The following HTR7 variants were observed in gnomAD, a reference collection of about 807,000 sequenced individuals.
HTR7 encodes 5-HT-7.
A neutral mutation model predicts 34.0 loss-of-function variants in HTR7; 16 were observed. The ratio of observed to expected loss-of-function variants is 0.47; its 90% CI spans 0.32 to 0.71. HTR7 has a LOEUF of 0.71. Among genes scored for constraint, HTR7 ranks in the 30% least tolerant of loss-of-function variants. HTR7 has a pLI of 0.04. For synonymous variants in HTR7, 265 were observed against 260.2 expected (o/e 1.02, Z -0.18); for missense variants, 504 against 625.5 (o/e 0.81, Z 2.07).
At chr10:90,756,754 TTCATA>T (rs1844837101) in intron 1 of HTR7, among the ~76,000 whole-genome samples, 1 of 151,960 alleles carries the variant, frequency 6.6e-6, no homozygotes, top group Admixed American at 6.6e-5. Flanking sequence ...CCTGTAAAAA[TTCATA>T]TATTATATTT....
In HTR7 at chr10:90,755,260, C is replaced by T. The variant is rs545387202; in HGVS notation, c.540-5666G>A. Among the ~76,000 whole-genome samples the T allele has an allele frequency of 2.2e-4, 34 of 152,290 alleles. No homozygotes were observed. The South Asian group carries it at 3.9e-3, about 18-fold the overall frequency. ...TTCCATTATCTCAGCTATTAGATTT[C>T]CCAGTCCTGTGCTAAATGAGATATG... On this transcript the variant is annotated intron_variant, in intron 1 of 3. Coordinates refer to ENST00000336152, the MANE Select transcript of HTR7 (RefSeq NM_019859.4).
intron 1 of HTR7, among the ~76,000 whole-genome samples, chr10:90,841,787 G>A (rs937384726): frequency 3.9e-5 from 6 of 152,086 alleles, no homozygotes; most frequent in Admixed American, 6.6e-5. Context: ...ATCACTTGAA[G>A]CTAGGAGCTC....
chr10:90,788,188 C>T (rs1589450619), intron 1 of HTR7, among the ~76,000 whole-genome samples: 1 of 152,224 alleles, frequency 6.6e-6, no homozygotes, highest in South Asian at 2.1e-4. Flanking sequence ...CTCAGGTAAA[C>T]ATCTTCATGT....
chr10:90,775,998 C>T (rs1452526603), intron 1 of HTR7, among the ~76,000 whole-genome samples: 1 of 152,108 alleles, frequency 6.6e-6, no homozygotes, highest in East Asian at 1.9e-4. Flanking sequence ...AATATAATTT[C>T]CACATATAAA....
intron 1 of HTR7, among the ~76,000 whole-genome samples, chr10:90,853,276 C>CTTTTTTTTTTTTTTTTTTTTTTTTT (rs1211825774): frequency 7.8e-6 from 1 of 127,640 alleles, no homozygotes. Flanking sequence ...AATTTGATTT[C>CTTTTTTTTTTTTTTTTTTTTTTTTT]TTTTTTTTTT....
chr10:90,742,801 A>G (rs1278682991), intron 3 of HTR7, among the ~76,000 whole-genome samples: 1 of 152,202 alleles, frequency 6.6e-6, no homozygotes, highest in Admixed American at 6.5e-5. Flanking sequence ...ATACAGCTAT[A>G]GCAAAAAATG....
chr10:90,756,774 A>C (rs1429772898), intron 1 of HTR7, among the ~76,000 whole-genome samples: 2 of 152,200 alleles, frequency 1.3e-5, no homozygotes, highest in Non-Finnish European at 2.9e-5. Context: ...ATATTTGTTA[A>C]CTGTTGCTAC....
chr10:90,770,246 G>A (rs1195695601), intron 1 of HTR7, among the ~76,000 whole-genome samples: 2 of 152,232 alleles, frequency 1.3e-5, no homozygotes, highest in Non-Finnish European at 2.9e-5. Flanking sequence ...GGATAAGAGG[G>A]ACCCTCTGAG....
intron 1 of HTR7, among the ~76,000 whole-genome samples, chr10:90,792,775 A>C (rs1845478765): frequency 6.6e-6 from 1 of 152,150 alleles, no homozygotes; most frequent in South Asian, 2.1e-4. Flanking sequence ...AAATGGATTT[A>C]TCAGAACTTA....
chr10:90,744,416 A>T (rs2119660702), intron 2 of HTR7, among the ~76,000 whole-genome samples: 1 of 151,986 alleles, frequency 6.6e-6, no homozygotes, highest in South Asian at 2.1e-4. Flanking sequence ...TCCATTTTCT[A>T]CATTTGGAGT....
At chr10:90,825,941 T>C (rs1478449094) in intron 1 of HTR7, among the ~76,000 whole-genome samples, 1 of 152,170 alleles carries the variant, frequency 6.6e-6, no homozygotes, top group African/African-American at 2.4e-5. Flanking sequence ...ATTGAAAGTT[T>C]ATTCAAAGGG....
At chr10:90,816,633 T>C (rs11813096) in intron 1 of HTR7, among the ~76,000 whole-genome samples, 42,189 of 152,060 alleles carry the variant, frequency 0.28, 6,434 homozygotes, top group African/African-American at 0.41. Context: ...TATTTCCCCA[T>C]TGTTTCACTT....
intron 2 of HTR7, among the ~76,000 whole-genome samples, chr10:90,744,929 A>C (rs967219500): frequency 4.6e-5 from 7 of 152,220 alleles, no homozygotes; most frequent in African/African-American, 1.7e-4. Context: ...CTTTACAAAA[A>C]AAGTCCTCTT....
chr10:90,844,725 TCAAAAAA>T (rs1846385797), intron 1 of HTR7, among the ~76,000 whole-genome samples: 3 of 27,784 alleles, frequency 1.1e-4, no homozygotes, highest in Non-Finnish European at 1.6e-4. Context: ...AGACTCCGTC[TCAAAAAA>T]AAAAAAAAAA....
chr10:90,779,694 T>C (rs1178036087), intron 1 of HTR7, among the ~76,000 whole-genome samples: 1 of 152,170 alleles, frequency 6.6e-6, no homozygotes, highest in Non-Finnish European at 1.5e-5. Flanking sequence ...TTGACACCCA[T>C]AGTTAAATGA....
Position 90,797,011 on chromosome 10 carries a change from C to CAA in HTR7, c.540-47419_540-47418dup, listed in dbSNP as rs775895700. On this transcript the variant is annotated intron_variant, in intron 1 of 3. Coordinates refer to ENST00000336152, the MANE Select transcript of HTR7 (RefSeq NM_019859.4). ...TGGGCGACAAAGCAAGACTCCGTCT[C>CAA]AAAAAAAAAAAAAAACCGACAAATT... Among the ~76,000 whole-genome samples, 81 of 95,112 alleles carry CAA rather than the reference C, an allele frequency of 8.5e-4. 1 individual carries two copies. The highest frequency in any genetic ancestry group is 2.8e-3 in the African/African-American group (74 of 26,812). 62.4% of individuals were successfully genotyped at this position (95,112 alleles called of 152,430 possible). A position where few individuals can be genotyped will look rare whatever the true frequency, so the allele number is the denominator to read the frequency against.
chr10:90,792,942 A>G lies in HTR7; in HGVS notation c.540-43348T>C, dbSNP rs145647660. Among the ~76,000 whole-genome samples the G allele has an allele frequency of 6.8e-3, 1,039 of 152,268 alleles. 51 individuals carry two copies. The highest frequency in any genetic ancestry group is 0.061 in the Admixed American group (931 of 15,280). ...ACCTAAATATAAGCCCTAAAACTATAAAACTCCTAAAAGAAAACATAAAGA... is the reference window on the plus strand; with the variant it reads ...ACCTAAATATAAGCCCTAAAACTATGAAACTCCTAAAAGAAAACATAAAGA... On this transcript the variant is annotated intron_variant, in intron 1 of 3. Coordinates refer to ENST00000336152, the MANE Select transcript of HTR7 (RefSeq NM_019859.4).
Position 90,857,777 on chromosome 10 carries a change from C to G in HTR7, c.-106G>C. 3 of 1,179,268 alleles carry G rather than the reference C, an allele frequency of 2.5e-6. No individual in the cohort carries two copies. The highest frequency in any genetic ancestry group is 3.3e-6 in the Non-Finnish European group (3 of 912,062). 73.1% of individuals were successfully genotyped at this position (1,179,268 alleles called of 1,614,324 possible). On this transcript the variant is annotated 5_prime_UTR_variant, in exon 1 of 4. The change abolishes an upstream ATG in the 5' untranslated region. Coordinates refer to ENST00000336152, the MANE Select transcript of HTR7 (RefSeq NM_019859.4). This position sits in a 1 kb window ranked among gnomAD's most constrained non-coding sequence, Gnocchi z 6.5. ...CCGGTTCCGCTCCGCCCGGCCCAGC[C>G]ATGGGGCCCGCGCCGACCGCTGGGG...
At chr10:90,846,477 T>C (rs1846414459) in intron 1 of HTR7, among the ~76,000 whole-genome samples, 1 of 152,196 alleles carries the variant, frequency 6.6e-6, no homozygotes, top group South Asian at 2.1e-4. Flanking sequence ...AAGTCAAGGT[T>C]CCAGCAATTC....
Sources: gnomAD v4.1 joint callset for allele counts (sites outside exome capture counted in the v4.1 genomes callset) on GRCh38, gnomAD v4.1.1 for gene constraint, Gnocchi (gnomAD v3.1) non-coding constraint, MANE v1.5 for transcripts, NCBI Gene and HGNC (gene_info 2026-07-23, HGNC 2026-07-21) for gene names.